Variants in EEA1 observed in about 807,000 individuals in gnomAD.
EEA1 encodes early endosome antigen 1, 162kD.
EEA1 carries 111 observed loss-of-function variants against 209.2 expected under a neutral mutation model. The observed-to-expected ratio is 0.53, with a 90% CI of 0.45 to 0.62. The LOEUF is 0.62. Among genes scored for constraint, EEA1 ranks in the 20% least tolerant of loss-of-function variants. The pLI, the probability that EEA1 is intolerant of heterozygous loss-of-function variation, is 0.00. For synonymous variants in EEA1, 536 were observed against 540.6 expected (o/e 0.99, Z 0.12); for missense variants, 1,343 against 1,530.8 (o/e 0.88, Z 2.05).
intron 9 of EEA1, among the ~76,000 whole-genome samples, chr12:92,843,119 G>C (rs1264142223): frequency 6.6e-6 from 1 of 152,106 alleles, no homozygotes; most frequent in South Asian, 2.1e-4. Flanking sequence ...ATATGGTCAG[G>C]TATAACCGTC....
chr12:92,865,358 C>A (rs1878332429), intron 2 of EEA1, among the ~76,000 whole-genome samples: 2 of 150,530 alleles, frequency 1.3e-5, no homozygotes, highest in Non-Finnish European at 1.5e-5. Flanking sequence ...CTGTTCCAAT[C>A]TACTTCATAG....
intron 2 of EEA1, among the ~76,000 whole-genome samples, chr12:92,882,135 T>G (rs746092017): frequency 6.6e-6 from 1 of 152,090 alleles, no homozygotes; most frequent in Non-Finnish European, 1.5e-5. Context: ...TGAGACAAAG[T>G]CTCACTCTGT....
intron 22 of EEA1, 23 bp downstream of exon 22, chr12:92,787,844 T>C: frequency 6.8e-7 from 1 of 1,466,020 alleles, no homozygotes; most frequent in Non-Finnish European, 9.0e-7. Context: ...TGAGACTTTA[T>C]GGTACAGTAT....
intron 1 of EEA1, among the ~76,000 whole-genome samples, chr12:92,907,102 GA>G (rs1276997854): frequency 6.6e-6 from 1 of 152,024 alleles, no homozygotes; most frequent in Admixed American, 6.6e-5. Context: ...ACTATTTCAT[GA>G]AAAAAAATTC....
chr12:92,793,051 T>G (rs1409655860), intron 21 of EEA1, among the ~76,000 whole-genome samples: 1 of 152,160 alleles, frequency 6.6e-6, no homozygotes, highest in Non-Finnish European at 1.5e-5. Flanking sequence ...TCTCAATAGA[T>G]GCAGAAAAGG....
At chr12:92,816,493 C>A in intron 14 of EEA1, 93 bp from the exon 15 acceptor site, 1 of 1,177,550 alleles carries the variant, frequency 8.5e-7, no homozygotes, top group Non-Finnish European at 1.2e-6. Flanking sequence ...TATTAAAGTG[C>A]TTTATGATAG....
At chr12:92,875,208 T>C (rs1391757556) in intron 2 of EEA1, among the ~76,000 whole-genome samples, 2 of 152,084 alleles carry the variant, frequency 1.3e-5, no homozygotes, top group Non-Finnish European at 2.9e-5. Flanking sequence ...TCCTAGCACT[T>C]TGAGAGGCTG....
At chr12:92,809,335 A>G (rs565075351) in intron 17 of EEA1, among the ~76,000 whole-genome samples, 179 bp from the exon 18 acceptor site, 73 of 152,028 alleles carry the variant, frequency 4.8e-4, no homozygotes, top group African/African-American at 1.7e-3. Context: ...AAAATCTTTC[A>G]GAAGACCCAG....
chr12:92,778,262 CT>C, intron 25 of EEA1, 83 bp from the exon 26 acceptor site: 1 of 1,114,534 alleles, frequency 9.0e-7, no homozygotes, highest in Non-Finnish European at 1.3e-6. Flanking sequence ...ATTTAAAATA[CT>C]GGCAATTTGC....
At chr12:92,881,304 A>G (rs985820763) in intron 2 of EEA1, among the ~76,000 whole-genome samples, 5 of 151,728 alleles carry the variant, frequency 3.3e-5, no homozygotes, top group Admixed American at 6.6e-5. Context: ...CCAGCTACCT[A>G]CTCTACTCGG....
intron 22 of EEA1, 32 bp from the exon 23 acceptor site, chr12:92,782,167 T>A (rs773541175): frequency 6.5e-7 from 1 of 1,542,364 alleles, no homozygotes. Context: ...AATTATTATA[T>A]GCCATGTTTT....
Position 92,787,974 on chromosome 12 carries a change from A to C in EEA1, c.3043T>G (p.Ser1015Ala). 1 of 1,613,112 alleles carries C rather than the reference A, an allele frequency of 6.2e-7. No individual in the cohort carries two copies. Among genetic ancestry groups the C allele is most frequent in the Non-Finnish European group, 8.5e-7 (1 of 1,179,558 alleles). ...TTTTCATAGTTGTTTTGTAATACTG[A>C]TATTTTCTCTTTCTCTGCTGCAAGT... is the stretch of plus-strand genomic sequence containing the variant. Reference protein sequence around the residue: ...QELAAEKEKISVLQNNYEKSQ... With the variant: ...QELAAEKEKIAVLQNNYEKSQ... Residue 1015 changes from serine (S) to alanine (A), a missense_variant, in exon 22 of 29, where the codon TCA becomes GCA. Transcript: ENST00000322349.
chr12:92,916,291 G>A (rs1167677858), intron 1 of EEA1, among the ~76,000 whole-genome samples: 1 of 152,052 alleles, frequency 6.6e-6, no homozygotes, highest in Admixed American at 6.6e-5. Context: ...AACAGGGAAA[G>A]GTACTGACAA....
At chr12:92,843,093 C>T (rs1184165410) in intron 9 of EEA1, among the ~76,000 whole-genome samples, 1 of 152,168 alleles carries the variant, frequency 6.6e-6, no homozygotes, top group African/African-American at 2.4e-5. Flanking sequence ...ACACAGCTTC[C>T]TTAAGCTAGA....
chr12:92,893,358 T>A (rs1435015398), intron 1 of EEA1, among the ~76,000 whole-genome samples: 1 of 152,152 alleles, frequency 6.6e-6, no homozygotes, highest in African/African-American at 2.4e-5. Flanking sequence ...AGATGGGTAA[T>A]AAATGAAAGA....
At chr12:92,843,489 T>G (rs905278477) in intron 9 of EEA1, among the ~76,000 whole-genome samples, 3 of 152,164 alleles carry the variant, frequency 2.0e-5, no homozygotes, top group African/African-American at 7.2e-5. Flanking sequence ...TCACTTTTTA[T>G]TACTAAAGCA....
At chr12:92,896,755 C>G (rs1021638017) in intron 1 of EEA1, among the ~76,000 whole-genome samples, 1 of 151,238 alleles carries the variant, frequency 6.6e-6, no homozygotes, top group Admixed American at 6.6e-5. Context: ...GAGCCAAGAT[C>G]GCACCACTGA....
intron 11 of EEA1, among the ~76,000 whole-genome samples, chr12:92,832,056 C>T (rs1279232118): frequency 2.7e-5 from 4 of 148,300 alleles, no homozygotes; most frequent in East Asian, 2.0e-4. Flanking sequence ...CACTGCAGTC[C>T]GCAGTCCGGC....
chr12:92,851,174 C>T lies in EEA1; in HGVS notation c.735G>A (p.Glu245=). 1.2e-6 allele frequency: 2 copies of T among 1,613,934 alleles called. No individual in the cohort carries two copies. The highest frequency in any genetic ancestry group is 1.1e-5 in the South Asian group (1 of 91,066). Residue 245 remains glutamate, a synonymous_variant, in exon 9 of 29, where the codon GAG becomes GAA. Coordinates refer to ENST00000322349, the MANE Select transcript of EEA1 (RefSeq NM_003566.4). ...TLMDNMTLER[E]RESEKLKDEC... is the part of the protein sequence containing the mutation. ...CATCTTTGAGTTTTTCAGATTCTCG[C>T]TCACGTTCCAAGGTCATGTTATCCA...
Sources: gnomAD v4.1 joint callset for allele counts (sites outside exome capture counted in the v4.1 genomes callset) on GRCh38, gnomAD v4.1.1 for gene constraint, MANE v1.5 for transcripts, NCBI Gene and HGNC (gene_info 2026-07-23, HGNC 2026-07-21) for gene names.